The following CSNK1G2 variants were observed in gnomAD, a reference collection of about 807,000 sequenced individuals.
CSNK1G2 encodes the protein casein kinase 1 gamma 2.
CSNK1G2 carries 11 observed loss-of-function variants against 48.0 expected under a neutral mutation model. That is an observed-to-expected ratio of 0.23 (90% CI 0.14 to 0.38). CSNK1G2 has a LOEUF of 0.38. Among genes scored for constraint, CSNK1G2 ranks in the 10% least tolerant of loss-of-function variants. The pLI is 1.00. For missense variants in CSNK1G2, 446 were observed against 595.5 expected (o/e 0.75, Z 2.61); for synonymous variants, 337 against 254.1 (o/e 1.33, Z -3.10).
chr19:1,970,122 G>A (rs2015516026), intron 2 of CSNK1G2, among the ~76,000 whole-genome samples, 163 bp downstream of exon 2: 1 of 152,228 alleles, frequency 6.6e-6, no homozygotes, highest in East Asian at 1.9e-4. Flanking sequence ...CGTGGTGCGA[G>A]TGCCACTTCC....
intron 1 of CSNK1G2, among the ~76,000 whole-genome samples, chr19:1,946,648 T>G (rs1216200631): frequency 6.6e-6 from 1 of 150,886 alleles, no homozygotes; most frequent in African/African-American, 2.4e-5. Context: ...AGTCTCGCTC[T>G]GTTGCCCAGG....
chr19:1,945,317 G>T (rs1263356131), intron 1 of CSNK1G2, among the ~76,000 whole-genome samples: 2 of 152,202 alleles, frequency 1.3e-5, no homozygotes, highest in Non-Finnish European at 2.9e-5. Context: ...CCCCGGTGCG[G>T]CTGACTGTTC....
intron 1 of CSNK1G2, among the ~76,000 whole-genome samples, chr19:1,967,092 G>T (rs1017301113): frequency 5.3e-5 from 8 of 152,122 alleles, no homozygotes; most frequent in Non-Finnish European, 7.3e-5. Flanking sequence ...CTAGACCACG[G>T]TATACTGTGA....
At chr19:1,948,989 G>A (rs1346633731) in intron 1 of CSNK1G2, among the ~76,000 whole-genome samples, 3 of 152,178 alleles carry the variant, frequency 2.0e-5, no homozygotes, top group African/African-American at 7.2e-5. Context: ...CTCTGTCCTC[G>A]TCGTGTTCAC....
chr19:1,963,080 G>GGCTCAATGAGACACA (rs2015253145), intron 1 of CSNK1G2, among the ~76,000 whole-genome samples: 1 of 85,320 alleles, frequency 1.2e-5, no homozygotes, highest in Non-Finnish European at 2.4e-5. Flanking sequence ...AATGAGACAC[G>GGCTCAATGAGACACA]CCAGACACAG....
chr19:1,977,750 C>CAAAAAAA (rs758107982), intron 2 of CSNK1G2, among the ~76,000 whole-genome samples: 1 of 83,038 alleles, frequency 1.2e-5, no homozygotes, highest in Admixed American at 1.3e-4. Flanking sequence ...GACACCGTCT[C>CAAAAAAA]AAAAAAAAAA....
intron 1 of CSNK1G2, among the ~76,000 whole-genome samples, chr19:1,947,192 C>T (rs1220129593): frequency 6.6e-6 from 1 of 151,562 alleles, no homozygotes; most frequent in East Asian, 1.9e-4. Flanking sequence ...TGGAAACTTC[C>T]ACCCTCCAGA....
chr19:1,950,209 T>G (rs1346384148), intron 1 of CSNK1G2, among the ~76,000 whole-genome samples: 2 of 152,136 alleles, frequency 1.3e-5, no homozygotes, highest in Non-Finnish European at 2.9e-5. Context: ...GCGTGAGCTC[T>G]GCTCACTGCA....
At chr19:1,952,763 A>G (rs1199010901) in intron 1 of CSNK1G2, 1 of 309,536 alleles carries the variant, frequency 3.2e-6, no homozygotes, top group East Asian at 1.5e-4. Flanking sequence ...GATGGAGGCC[A>G]GGGGATATAG....
At chr19:1,976,505 G>A (rs1206803273) in intron 2 of CSNK1G2, among the ~76,000 whole-genome samples, 3 of 152,230 alleles carry the variant, frequency 2.0e-5, no homozygotes, top group Admixed American at 6.5e-5. Flanking sequence ...GAGCCCCAGC[G>A]ATTCCTGTGC....
chr19:1,947,789 C>A (rs772245407), intron 1 of CSNK1G2, among the ~76,000 whole-genome samples: 7 of 152,224 alleles, frequency 4.6e-5, no homozygotes, highest in Admixed American at 2.6e-4. Context: ...TGCCATCACG[C>A]TGGTCAGGCC....
intron 2 of CSNK1G2, chr19:1,975,032 C>T (rs946504387): frequency 2.0e-6 from 2 of 980,046 alleles, no homozygotes; most frequent in African/African-American, 1.8e-5. Flanking sequence ...GCTGCCACAC[C>T]CACCCAGCAC....
At chr19:1,955,549 G>A (rs1292928817) in intron 1 of CSNK1G2, among the ~76,000 whole-genome samples, 2 of 151,794 alleles carry the variant, frequency 1.3e-5, no homozygotes, top group East Asian at 1.9e-4. Flanking sequence ...GTGCCTGGGC[G>A]AGGCTCCGCG....
Position 1,959,793 on chromosome 19 carries a change from C to G in CSNK1G2, c.-265-9715C>G, listed in dbSNP as rs74195235. On this transcript the variant is annotated intron_variant, in intron 1 of 11. Transcript: ENST00000255641. ...CACCCGTCCCACCTTTAGTGCCACC[C>G]TGGGTCCCCCAGCACCCGCCCCACC... is the stretch of plus-strand genomic sequence containing the variant. Among the ~76,000 whole-genome samples, 367 of 102,572 alleles carry G rather than the reference C, an allele frequency of 3.6e-3. 23 individuals carry two copies. The highest frequency in any genetic ancestry group is 0.011 in the Middle Eastern group (2 of 188). 67.3% of individuals were successfully genotyped at this position (102,572 alleles called of 152,430 possible). A position where few individuals can be genotyped will look rare whatever the true frequency, so the allele number is the denominator to read the frequency against.
intron 1 of CSNK1G2, among the ~76,000 whole-genome samples, chr19:1,955,529 G>A (rs1475292651): frequency 6.7e-6 from 1 of 148,786 alleles, no homozygotes; most frequent in African/African-American, 2.6e-5. Context: ...AGGCTCCGCG[G>A]GGTGGGCGTG....
chr19:1,978,824 AG>A lies in CSNK1G2; in HGVS notation c.448-31del, dbSNP rs773754063. 3.1e-6 allele frequency: 5 copies of A among 1,590,274 alleles called. No homozygotes were observed. In the South Asian group the frequency reaches 5.6e-5, roughly 18 times the overall value. The stretch of plus-strand genomic sequence containing the variant: ...CTGGAGGGGAGCGCGTGGGACGGGG[AG>A]GGGCCCGGCCGACACCGCCGTGCCC... On this transcript the variant is annotated intron_variant, in intron 5 of 11. Transcript: ENST00000255641. This position sits in a 1 kb window ranked among gnomAD's most constrained non-coding sequence, Gnocchi z 7.3.
chr19:1,964,777 G>A (rs973672156), intron 1 of CSNK1G2, among the ~76,000 whole-genome samples: 1 of 151,104 alleles, frequency 6.6e-6, no homozygotes, highest in African/African-American at 2.4e-5. Flanking sequence ...CCAGGCTGGA[G>A]TGCAGTGGTG....
At chr19:1,969,101 C>T (rs1055112836) in intron 1 of CSNK1G2, among the ~76,000 whole-genome samples, 12 of 152,306 alleles carry the variant, frequency 7.9e-5, no homozygotes, top group African/African-American at 2.2e-4. Flanking sequence ...GGCCTGGATA[C>T]GGGGACTGTT....
chr19:1,943,896 G>A (rs2014458352), intron 1 of CSNK1G2, among the ~76,000 whole-genome samples: 1 of 152,236 alleles, frequency 6.6e-6, no homozygotes, highest in Non-Finnish European at 1.5e-5. Flanking sequence ...GGCGGGTGGT[G>A]GATGGAGGCA....
Sources: gnomAD v4.1 joint callset for allele counts (sites outside exome capture counted in the v4.1 genomes callset) on GRCh38, gnomAD v4.1.1 for gene constraint, Gnocchi (gnomAD v3.1) non-coding constraint, MANE v1.5 for transcripts, NCBI Gene and HGNC (gene_info 2026-07-23, HGNC 2026-07-21) for gene names.